TRAPPC9: variants seen among roughly 807,000 people sequenced by gnomAD.
The protein encoded by TRAPPC9 is trafficking protein particle complex subunit 9, also known as IKK2 binding protein.
Under a neutral mutation model 124.0 loss-of-function variants are expected in TRAPPC9, and 83 were observed. The observed-to-expected ratio is 0.67, with a 90% CI of 0.56 to 0.80. The LOEUF is 0.80. Among genes scored for constraint, TRAPPC9 ranks in the 30% least tolerant of loss-of-function variants. The pLI, the probability that TRAPPC9 is intolerant of heterozygous loss-of-function variation, is 0.00. For missense variants in TRAPPC9, 1,302 were observed against 1,508.3 expected, an observed-to-expected ratio of 0.86 and a Z score of 2.27; for synonymous variants, 638 against 617.5, an observed-to-expected ratio of 1.03 and a Z score of -0.49.
Position 139,910,319 on chromosome 8 carries a change from C to CA in TRAPPC9, c.2811-20dup. 1 of 1,614,126 alleles carries CA rather than the reference C, an allele frequency of 6.2e-7. No individual in the cohort carries two copies. Among genetic ancestry groups the CA allele is most frequent in the African/African-American group, 1.3e-5 (1 of 75,054 alleles). ...AGCCATTCTACGAGAAAGGGGAAAACACAGCAGAGAATTCATCAGTAGGGC... is the reference window on the plus strand; with the variant it reads ...AGCCATTCTACGAGAAAGGGGAAAACAACAGCAGAGAATTCATCAGTAGGGC... On this transcript the variant is annotated intron_variant, in intron 19 of 22. Coordinates refer to ENST00000438773, the MANE Select transcript of TRAPPC9 (RefSeq NM_001160372.4).
chr8:139,730,909 C>T lies in TRAPPC9; in HGVS notation c.*152G>A, dbSNP rs1302762536. On this transcript the variant is annotated 3_prime_UTR_variant, in exon 23 of 23. Transcript: ENST00000438773. ...GCTTCTGCGTAGCCCAGCAAAGATG[C>T]TACAGGAGGAACAGGAGGAGAGGGC... 2 of 846,676 alleles carry T rather than the reference C, an allele frequency of 2.4e-6. No homozygotes were observed. The highest frequency in any genetic ancestry group is 3.6e-6 in the Non-Finnish European group (2 of 550,494). The allele number at this position is 846,676 out of a possible 1,614,324, so 52.4% of individuals were successfully genotyped here. A position where few individuals can be genotyped will look rare whatever the true frequency, so the allele number is the denominator to read the frequency against.
At chr8:140,033,667 T>TTTTTTTTTG (rs1840662911) in intron 17 of TRAPPC9, among the ~76,000 whole-genome samples, 2 of 68,516 alleles carry the variant, frequency 2.9e-5, no homozygotes, top group African/African-American at 1.2e-4. Flanking sequence ...GGTTTTTTTT[T>TTTTTTTTTG]TTTTTTTTTT....
intron 17 of TRAPPC9, among the ~76,000 whole-genome samples, chr8:140,081,618 T>C (rs1418607195): frequency 1.3e-5 from 2 of 152,222 alleles, no homozygotes; most frequent in Non-Finnish European, 2.9e-5. Context: ...AGTGCTGGGA[T>C]GACAGGCGTG....
intron 18 of TRAPPC9, among the ~76,000 whole-genome samples, chr8:139,992,060 T>C (rs1229944644): frequency 4.0e-5 from 6 of 151,830 alleles, no homozygotes; most frequent in African/African-American, 1.2e-4. Context: ...TATAAACTTA[T>C]AAAAAAAAGC....
At chr8:139,839,682 G>A (rs1383617038) in intron 21 of TRAPPC9, among the ~76,000 whole-genome samples, 2 of 152,186 alleles carry the variant, frequency 1.3e-5, no homozygotes, top group Non-Finnish European at 2.9e-5. Flanking sequence ...TTTCCTAGGG[G>A]CGCCTACTCA....
At chr8:140,406,503 G>C (rs918316040) in intron 5 of TRAPPC9, among the ~76,000 whole-genome samples, 8 of 152,248 alleles carry the variant, frequency 5.3e-5, no homozygotes, top group Non-Finnish European at 5.9e-5. Flanking sequence ...GGCCAAAGAC[G>C]TGCATCTCAC....
At chr8:139,894,350 G>A (rs570889681) in intron 20 of TRAPPC9, among the ~76,000 whole-genome samples, 8 of 152,234 alleles carry the variant, frequency 5.3e-5, no homozygotes, top group South Asian at 4.1e-4. Context: ...TGGTCACCGC[G>A]CACGACTGGG....
At chr8:139,903,385 T>C (rs540971891) in intron 20 of TRAPPC9, among the ~76,000 whole-genome samples, 5 of 152,256 alleles carry the variant, frequency 3.3e-5, no homozygotes, top group African/African-American at 1.2e-4. Flanking sequence ...GTCATTCGCC[T>C]TCATGGGGAT....
rs184766782 is a variant in TRAPPC9 at position 140,139,787 on chromosome 8, G to A, written c.2556+81672C>T. 2.3e-3 allele frequency among the ~76,000 whole-genome samples: 356 copies of A among 152,178 alleles called. 3 individuals carry two copies. The highest frequency in any genetic ancestry group is 7.9e-3 in the African/African-American group (330 of 41,532). On this transcript the variant is annotated intron_variant, in intron 17 of 22. Coordinates refer to ENST00000438773, the MANE Select transcript of TRAPPC9 (RefSeq NM_001160372.4). ...CAGTGAATGGGCAGGGGCACCGCAGGAGGCCCTCCGAGAGCTGCTGATGTC... is the reference window on the plus strand; with the variant it reads ...CAGTGAATGGGCAGGGGCACCGCAGAAGGCCCTCCGAGAGCTGCTGATGTC...
At chr8:139,737,128 G>C (rs1008638927) in intron 21 of TRAPPC9, among the ~76,000 whole-genome samples, 2 of 152,218 alleles carry the variant, frequency 1.3e-5, no homozygotes, top group African/African-American at 4.8e-5. Context: ...CACCCCGTCT[G>C]TGGCCCGCGC....
intron 16 of TRAPPC9, among the ~76,000 whole-genome samples, chr8:140,248,123 G>A (rs73714823): frequency 0.063 from 9,536 of 152,246 alleles, 538 homozygotes; most frequent in African/African-American, 0.15. Context: ...TAGGAGAAAT[G>A]ATTCAGGATA....
intron 9 of TRAPPC9, among the ~76,000 whole-genome samples, chr8:140,336,368 C>G (rs113387652): frequency 6.6e-6 from 1 of 152,306 alleles, no homozygotes; most frequent in African/African-American, 2.4e-5. Context: ...GTCTGCACCA[C>G]GCTCTGCTCT....
chr8:139,911,093 C>T (rs11166938), intron 19 of TRAPPC9: 99,146 of 151,928 alleles, frequency 0.65, 34,415 homozygotes, highest in African/African-American at 0.91. Context: ...TGTACTCCCG[C>T]AATTCCCGTG....
intron 21 of TRAPPC9, among the ~76,000 whole-genome samples, chr8:139,783,512 T>C (rs1352067804): frequency 7.2e-5 from 11 of 152,306 alleles, no homozygotes; most frequent in Non-Finnish European, 1.5e-4. Context: ...TTAATATACC[T>C]ACAAAAGAAG....
At chr8:139,856,246 A>G (rs1279765490) in intron 21 of TRAPPC9, among the ~76,000 whole-genome samples, 1 of 152,046 alleles carries the variant, frequency 6.6e-6, no homozygotes, top group East Asian at 1.9e-4. Flanking sequence ...CAGGCACTGG[A>G]GGGGCTGCAG....
chr8:140,420,055 C>A (rs890512673), intron 5 of TRAPPC9, among the ~76,000 whole-genome samples: 2 of 152,000 alleles, frequency 1.3e-5, no homozygotes, highest in Non-Finnish European at 2.9e-5. Context: ...CATATACTTG[C>A]AATGAACCAT....
chr8:140,233,121 T>A (rs1205709510), intron 16 of TRAPPC9, among the ~76,000 whole-genome samples: 4 of 152,098 alleles, frequency 2.6e-5, no homozygotes, highest in East Asian at 1.9e-4. Context: ...TTTAAAAGTC[T>A]CCAAAGTAAA....
At chr8:139,884,374 G>T (rs1413096176) in intron 21 of TRAPPC9, among the ~76,000 whole-genome samples, 1 of 152,136 alleles carries the variant, frequency 6.6e-6, no homozygotes, top group Admixed American at 6.5e-5. Flanking sequence ...CTGGGGCTAG[G>T]GCTGCCGACC....
chr8:139,782,755 T>C (rs1241416895), intron 21 of TRAPPC9, among the ~76,000 whole-genome samples: 1 of 152,212 alleles, frequency 6.6e-6, no homozygotes, highest in African/African-American at 2.4e-5. Context: ...AATAGTAGAA[T>C]ATAAATTATA....
Sources: gnomAD v4.1 joint callset for allele counts (sites outside exome capture counted in the v4.1 genomes callset) on GRCh38, gnomAD v4.1.1 for gene constraint, MANE v1.5 for transcripts, NCBI Gene and HGNC (gene_info 2026-07-23, HGNC 2026-07-21) for gene names.